IMMP1L: variants seen among roughly 807,000 people sequenced by gnomAD.
IMMP1L encodes the protein inner mitochondrial membrane peptidase subunit 1, also known as mitochondrial inner membrane protease subunit 1.
In IMMP1L, 24 loss-of-function variants were observed where a neutral mutation model predicts 21.8. The observed-to-expected ratio is 1.10, with a 90% CI of 0.80 to 1.55. The LOEUF is 1.55. IMMP1L is among the 40% of genes most tolerant of loss of function. The probability of loss-of-function intolerance (pLI) is 0.00; values close to 1 mark genes in which losing one functional copy is unlikely to be tolerated. For synonymous variants in IMMP1L, 46 were observed against 62.8 expected (o/e 0.73, Z 1.26); for missense variants, 195 against 200.7 (o/e 0.97, Z 0.17).
intron 1 of IMMP1L, among the ~76,000 whole-genome samples, chr11:31,474,623 T>G (rs1043063706): frequency 1.3e-5 from 2 of 152,038 alleles, no homozygotes; most frequent in African/African-American, 4.8e-5. Flanking sequence ...AGGTTAAGGC[T>G]GAGGTGGGCC....
At chr11:31,456,640 A>G (rs947883549) in intron 3 of IMMP1L, among the ~76,000 whole-genome samples, 3 of 152,080 alleles carry the variant, frequency 2.0e-5, no homozygotes, top group Non-Finnish European at 2.9e-5. Flanking sequence ...AAACTTTCAG[A>G]TAATTCTACA....
At chr11:31,476,486 T>A (rs1371191947) in intron 1 of IMMP1L, among the ~76,000 whole-genome samples, 1 of 152,044 alleles carries the variant, frequency 6.6e-6, no homozygotes, top group African/African-American at 2.4e-5. Flanking sequence ...ACATTAATGG[T>A]GTGCATCAGG....
At chr11:31,470,374 T>C (rs1008977141) in intron 1 of IMMP1L, among the ~76,000 whole-genome samples, 8 of 150,264 alleles carry the variant, frequency 5.3e-5, no homozygotes, top group Admixed American at 1.3e-4. Context: ...GATAGCGCTA[T>C]TGCACTCCAG....
intron 4 of IMMP1L, among the ~76,000 whole-genome samples, chr11:31,454,601 C>A (rs1018909083): frequency 7.9e-5 from 12 of 151,946 alleles, no homozygotes; most frequent in African/African-American, 2.9e-4. Flanking sequence ...TCACACTATA[C>A]CCCATAAATA....
chr11:31,488,904 TATTA>T (rs1232661741), intron 1 of IMMP1L, among the ~76,000 whole-genome samples: 2 of 151,872 alleles, frequency 1.3e-5, no homozygotes, highest in Non-Finnish European at 2.9e-5. Context: ...TTTATTTATT[TATTA>T]ATTTTTGAGG....
intron 1 of IMMP1L, among the ~76,000 whole-genome samples, chr11:31,466,366 G>A (rs1954347840): frequency 6.6e-6 from 1 of 151,918 alleles, no homozygotes; most frequent in Admixed American, 6.6e-5. Flanking sequence ...AAACTCTAGA[G>A]AATCAAAAAA....
chr11:31,462,506 G>C (rs1292223019), intron 2 of IMMP1L, among the ~76,000 whole-genome samples: 2 of 151,890 alleles, frequency 1.3e-5, no homozygotes, highest in Non-Finnish European at 2.9e-5. Flanking sequence ...ATGACAAAAG[G>C]CTTGAATCAA....
chr11:31,468,499 A>T (rs984115232), intron 1 of IMMP1L, among the ~76,000 whole-genome samples: 2 of 152,166 alleles, frequency 1.3e-5, no homozygotes, highest in African/African-American at 4.8e-5. Flanking sequence ...ACAAATGTGC[A>T]TTGCACTATT....
At chr11:31,453,106 A>G (rs1953814361) in intron 4 of IMMP1L, 7 of 1,289,224 alleles carry the variant, frequency 5.4e-6, no homozygotes, top group Non-Finnish European at 7.1e-6. Flanking sequence ...ACAGTAAAAA[A>G]TAAAGCTGAT....
chr11:31,453,057 C>A, intron 4 of IMMP1L: 1 of 1,288,742 alleles, frequency 7.8e-7, no homozygotes, highest in Middle Eastern at 2.1e-4. Flanking sequence ...CGGCCAGCAA[C>A]AGCATCTTAA....
At chr11:31,473,100 AGTGTAGTGGCGCGATCTTG>A (rs558797370) in intron 1 of IMMP1L, among the ~76,000 whole-genome samples, 1 of 151,906 alleles carries the variant, frequency 6.6e-6, no homozygotes, top group East Asian at 1.9e-4. Context: ...CCCAGGCTGG[AGTGTAGTGGCGCGATCTTG>A]GCTCACCGCA....
chr11:31,457,454 G>A (rs1406239861), intron 3 of IMMP1L, among the ~76,000 whole-genome samples: 2 of 152,024 alleles, frequency 1.3e-5, no homozygotes, highest in Admixed American at 1.3e-4. Flanking sequence ...ACGTTTAAAA[G>A]GATTTAACAT....
At chr11:31,487,963 G>T (rs1330853756) in intron 1 of IMMP1L, among the ~76,000 whole-genome samples, 1 of 152,076 alleles carries the variant, frequency 6.6e-6, no homozygotes, top group South Asian at 2.1e-4. Context: ...TGTAGCCAAA[G>T]ATTCCCCTCC....
At chr11:31,489,520 G>A (rs915261986) in intron 1 of IMMP1L, among the ~76,000 whole-genome samples, 1 of 152,188 alleles carries the variant, frequency 6.6e-6, no homozygotes, top group Non-Finnish European at 1.5e-5. Context: ...GAAGCTGAGA[G>A]AAACTCTGAT....
chr11:31,471,102 C>G (rs1954533669), intron 1 of IMMP1L, among the ~76,000 whole-genome samples: 1 of 152,076 alleles, frequency 6.6e-6, no homozygotes, highest in Non-Finnish European at 1.5e-5. Context: ...TTTCAAAGAG[C>G]TATAAGACTT....
At chr11:31,483,471 T>A (rs2133761339) in intron 1 of IMMP1L, among the ~76,000 whole-genome samples, 1 of 152,156 alleles carries the variant, frequency 6.6e-6, no homozygotes, top group South Asian at 2.1e-4. Flanking sequence ...TTTCAACTAC[T>A]TAGTTAACTT....
At chr11:31,477,498 G>A (rs1048888484) in intron 1 of IMMP1L, 23 of 972,146 alleles carry the variant, frequency 2.4e-5, no homozygotes, top group Non-Finnish European at 2.8e-5. Flanking sequence ...TTGCCTTGAT[G>A]ACCTGATTTT....
chr11:31,507,498 C>T (rs1357592161), intron 1 of IMMP1L, among the ~76,000 whole-genome samples: 2 of 152,008 alleles, frequency 1.3e-5, no homozygotes, highest in Non-Finnish European at 2.9e-5. Context: ...CAGTAGGAAA[C>T]AAGGGAATAT....
chr11:31,451,924 C>G (rs1953771129), intron 4 of IMMP1L, among the ~76,000 whole-genome samples: 1 of 152,028 alleles, frequency 6.6e-6, no homozygotes, highest in Admixed American at 6.6e-5. Context: ...GGAAAAAAAC[C>G]TAGAAAAAGC....
Sources: allele counts gnomAD v4.1 joint callset (sites outside exome capture counted in the v4.1 genomes callset), GRCh38; gene constraint gnomAD v4.1.1; transcripts MANE v1.5; gene names NCBI Gene and HGNC (gene_info 2026-07-23, HGNC 2026-07-21).